SH2D5: variants seen among roughly 807,000 people sequenced by gnomAD.
The protein encoded by SH2D5 is SH2 domain-containing protein 5.
In SH2D5, 45 loss-of-function variants were observed where a neutral mutation model predicts 48.2. The observed-to-expected ratio is 0.93, with a 90% confidence interval of 0.73 to 1.20. SH2D5 has a LOEUF of 1.20. SH2D5 is among the 50% of genes most tolerant of loss of function. SH2D5 has a pLI of 0.00. For missense variants in SH2D5, 538 were observed against 584.1 expected (o/e 0.92, Z 0.81); for synonymous variants, 230 against 249.8 (o/e 0.92, Z 0.75).
chr1:20,731,933 C>T (rs556887713), intron 1 of SH2D5, among the ~76,000 whole-genome samples: 44 of 152,068 alleles, frequency 2.9e-4, no homozygotes, highest in African/African-American at 1.0e-3. Flanking sequence ...CCCCTCACTC[C>T]CGAGACCCTC....
At chr1:20,731,983 C>T (rs2054919323) in intron 1 of SH2D5, among the ~76,000 whole-genome samples, 198 bp downstream of exon 1, 2 of 151,770 alleles carry the variant, frequency 1.3e-5, no homozygotes, top group African/African-American at 4.8e-5. Context: ...CGCCCCTGCC[C>T]GGCTCCCGGC....
chr1:20,728,098 A>T lies in SH2D5; in HGVS notation c.-42-12T>A. The T allele has an allele frequency of 7.7e-7, 1 of 1,291,490 alleles. No individual in the cohort carries two copies. The highest frequency in any genetic ancestry group is 1.1e-6 in the Non-Finnish European group (1 of 929,156). 80.0% of individuals were successfully genotyped at this position (1,291,490 alleles called of 1,614,324 possible). A position where few individuals can be genotyped will look rare whatever the true frequency, so the allele number is the denominator to read the frequency against. ...CACGGGAGGGGAGGCTGCAAAGGGC[A>T]GGGGGGGAAGGGCTGCTTTCGAGGC... On this transcript the variant is annotated splice_polypyrimidine_tract_variant and intron_variant, in intron 1 of 9. Transcript: ENST00000444387. The surrounding 1 kb of genome is among the most constrained non-coding windows in gnomAD (Gnocchi z 4.3).
In SH2D5 at chr1:20,732,419, G is replaced by C. The variant is rs1206619431; in HGVS notation, c.-281C>G. ...TCTGGCTGGCTCCTCCGCGTCATCCGAGCCGCGGCTACCGCACCGCCTCCT... is the reference window on the plus strand; with the variant it reads ...TCTGGCTGGCTCCTCCGCGTCATCCCAGCCGCGGCTACCGCACCGCCTCCT... On this transcript the variant is annotated 5_prime_UTR_variant, in exon 1 of 10. Transcript: ENST00000444387. The surrounding 1 kb of genome is among the most constrained non-coding windows in gnomAD (Gnocchi z 5.1). 1 of 152,554 alleles carries C rather than the reference G, an allele frequency of 6.6e-6. No individual in the cohort carries two copies. Among genetic ancestry groups the C allele is most frequent in the African/African-American group, 2.4e-5 (1 of 41,462 alleles). The allele number at this position is 152,554 out of a possible 1,614,324, so 9.5% of individuals were successfully genotyped here. A position where few individuals can be genotyped will look rare whatever the true frequency, so the allele number is the denominator to read the frequency against.
At chr1:20,723,537 G>A (rs528795226) in intron 8 of SH2D5, 89 bp downstream of exon 8, 16 of 1,008,382 alleles carry the variant, frequency 1.6e-5, no homozygotes, top group South Asian at 8.8e-5. Flanking sequence ...GCCCGTGCAC[G>A]GGAGTGTGTG....
rs561353644 is a variant in SH2D5 at position 20,723,850 on chromosome 1, A to C, written c.800-116T>G. 18 of 1,010,608 alleles carry C rather than the reference A, an allele frequency of 1.8e-5. No homozygotes were observed. The African/African-American group carries it at 1.9e-4, about 11-fold the overall frequency. 62.6% of individuals were successfully genotyped at this position (1,010,608 alleles called of 1,614,324 possible). A position where few individuals can be genotyped will look rare whatever the true frequency, so the allele number is the denominator to read the frequency against. On this transcript the variant is annotated intron_variant, in intron 7 of 9. Transcript: ENST00000444387. The stretch of plus-strand genomic sequence containing the variant: ...CCCAAGCCTCTCTACCCTGCTCAGC[A>C]GACATATCTGCACACGGGCCTTCCG...
chr1:20,731,400 C>T (rs1249728559), intron 1 of SH2D5: 1 of 152,448 alleles, frequency 6.6e-6, no homozygotes, highest in Non-Finnish European at 1.5e-5. Context: ...CACTTAAGCT[C>T]TCAGCCTCCA....
chr1:20,720,796 G>A lies in SH2D5; in HGVS notation c.*996C>T, dbSNP rs1018226045. 4.6e-5 allele frequency: 7 copies of A among 152,242 alleles called. No homozygotes were observed. Among genetic ancestry groups the A allele is most frequent in the African/African-American group, 1.7e-4 (7 of 41,468 alleles). 9.4% of individuals were successfully genotyped at this position (152,242 alleles called of 1,614,324 possible). A position where few individuals can be genotyped will look rare whatever the true frequency, so the allele number is the denominator to read the frequency against. ...GACTGACCCCATTCCCAGTGGGGCT[G>A]GCCTGGTGAGGCAAGGTGGCCCCTG... On this transcript the variant is annotated 3_prime_UTR_variant, in exon 10 of 10. Coordinates refer to ENST00000444387, the MANE Select transcript of SH2D5 (RefSeq NM_001103161.2).
Position 20,724,382 on chromosome 1 carries a change from G to T in SH2D5, c.630+14C>A. ...CTTGTCCACTGCCCACTCCTTGGCT[G>T]GGGTGCTGCGTACCCCACTGCCCAC... On this transcript the variant is annotated intron_variant, in intron 6 of 9. Transcript: ENST00000444387. 1 of 1,611,064 alleles carries T rather than the reference G, an allele frequency of 6.2e-7. No homozygotes were observed. Among genetic ancestry groups the T allele is most frequent in the South Asian group, 1.1e-5 (1 of 90,946 alleles).
chr1:20,727,432 T>C, intron 3 of SH2D5, 91 bp downstream of exon 3: 1 of 1,252,020 alleles, frequency 8.0e-7, no homozygotes, highest in Non-Finnish European at 1.1e-6. Flanking sequence ...TGCCCCTCTC[T>C]AACTGTGGGG....
In SH2D5 at chr1:20,720,264, GCAGTTCCTTCTATCTTTTGTGA is replaced by G. The variant is rs2054661130; in HGVS notation, c.*1506_*1527del. On this transcript the variant is annotated 3_prime_UTR_variant, in exon 10 of 10. Coordinates refer to ENST00000444387, the MANE Select transcript of SH2D5 (RefSeq NM_001103161.2). The stretch of plus-strand genomic sequence containing the variant: ...TTCCAGTGAAAAGAAGTCCCAAAGG[GCAGTTCCTTCTATCTTTTGTGA>G]CAGGATAGCTCACTTAACTTGCAAG... The G allele has an allele frequency of 6.6e-6, 1 of 152,278 alleles. No individual in the cohort carries two copies. Among genetic ancestry groups the G allele is most frequent in the African/African-American group, 2.4e-5 (1 of 41,464 alleles). The allele number at this position is 152,278 out of a possible 1,614,324, so 9.4% of individuals were successfully genotyped here.
chr1:20,723,543 G>A (rs2054730041), intron 8 of SH2D5, 83 bp downstream of exon 8: 1 of 1,078,440 alleles, frequency 9.3e-7, no homozygotes, highest in South Asian at 1.4e-5. Flanking sequence ...GCACGGGAGT[G>A]TGTGCCTCAG....
intron 7 of SH2D5, 118 bp downstream of exon 7, chr1:20,723,965 T>C (rs1262110207): frequency 1.5e-6 from 2 of 1,322,020 alleles, no homozygotes; most frequent in South Asian, 1.4e-5. Flanking sequence ...CAGGCATCAC[T>C]TGGAGGTGCG....
chr1:20,728,097 C>A lies in SH2D5; in HGVS notation c.-42-11G>T. ...CCACGGGAGGGGAGGCTGCAAAGGG[C>A]AGGGGGGGAAGGGCTGCTTTCGAGG... On this transcript the variant is annotated splice_polypyrimidine_tract_variant and intron_variant, in intron 1 of 9. Transcript: ENST00000444387. The surrounding 1 kb of genome is among the most constrained non-coding windows in gnomAD (Gnocchi z 4.3). The A allele has an allele frequency of 7.5e-7, 1 of 1,340,166 alleles. No homozygotes were observed. Among genetic ancestry groups the A allele is most frequent in the Non-Finnish European group, 1.0e-6 (1 of 971,018 alleles). The allele number at this position is 1,340,166 out of a possible 1,614,324, so 83.0% of individuals were successfully genotyped here.
chr1:20,724,476 C>T lies in SH2D5; in HGVS notation c.550G>A (p.Gly184Ser), dbSNP rs61745394. The stretch of plus-strand genomic sequence containing the variant: ...ACGTTCTGAGAGAGCTGATCACGGC[C>T]GAAGGGCTCCCGCACCAGGCCCCCA... ...SSGGLVREPF[G>S]RDQLSQNVHA... The change falls in exon 6 of 10, where the codon GGC (glycine) becomes AGC (serine). Residue 184 changes from glycine (G) to serine (S), a missense_variant. Transcript: ENST00000444387. 6.0e-4 allele frequency: 963 copies of T among 1,612,846 alleles called. 5 individuals are homozygous for T. In the African/African-American group the frequency reaches 0.011, roughly 18 times the overall value.
Position 20,729,811 on chromosome 1 carries a change from C to G in SH2D5, c.-42-1725G>C, listed in dbSNP as rs986682733. Among the ~76,000 whole-genome samples, 3 of 152,294 alleles carry G rather than the reference C, an allele frequency of 2.0e-5. No individual in the cohort carries two copies. The highest frequency in any genetic ancestry group is 3.9e-4 in the East Asian group (2 of 5,178). ...CAGGCCAGGGTGGAGGTGCCTGCAC[C>G]GATCCACTTTCAGTGAGCAGCCAGG... On this transcript the variant is annotated intron_variant, in intron 1 of 9. Transcript: ENST00000444387. The surrounding 1 kb of genome is among the most constrained non-coding windows in gnomAD (Gnocchi z 4.2).
At chr1:20,723,110 G>C (rs2054721855) in intron 8 of SH2D5, among the ~76,000 whole-genome samples, 195 bp from the exon 9 acceptor site, 2 of 152,210 alleles carry the variant, frequency 1.3e-5, no homozygotes, top group Admixed American at 6.5e-5. Context: ...GAGCACAGGA[G>C]TTTGAGGCTG....
chr1:20,727,156 A>C, intron 3 of SH2D5, 81 bp from the exon 4 acceptor site: 5 of 1,219,810 alleles, frequency 4.1e-6, no homozygotes, highest in African/African-American at 1.5e-5. Flanking sequence ...CCATCCACCA[A>C]AGGCTGGTCA....
intron 5 of SH2D5, 118 bp downstream of exon 5, chr1:20,725,802 G>T (rs940996445): frequency 1.6e-6 from 2 of 1,257,164 alleles, no homozygotes; most frequent in Non-Finnish European, 2.2e-6. Context: ...GTGGTGAGGG[G>T]TGCATGCCTG....
In SH2D5 at chr1:20,732,598, C is replaced by G. The variant is rs750681786; in HGVS notation, c.-460G>C. ...CCAGTGTGAAGGATCGAGCCTGGCT[C>G]GGAGGAGGCGCTCAGGGTGGTTCGG... is the stretch of plus-strand genomic sequence containing the variant. On this transcript the variant is annotated 5_prime_UTR_variant, in exon 1 of 10. Coordinates refer to ENST00000444387, the MANE Select transcript of SH2D5 (RefSeq NM_001103161.2). This position sits in a 1 kb window ranked among gnomAD's most constrained non-coding sequence, Gnocchi z 5.1. 2.0e-5 allele frequency: 3 copies of G among 152,344 alleles called. No homozygotes were observed. Among genetic ancestry groups the G allele is most frequent in the Non-Finnish European group, 4.4e-5 (3 of 68,066 alleles). 9.4% of individuals were successfully genotyped at this position (152,344 alleles called of 1,614,324 possible).
Sources: allele counts gnomAD v4.1 joint callset (sites outside exome capture counted in the v4.1 genomes callset), GRCh38; gene constraint gnomAD v4.1.1; non-coding constraint Gnocchi (gnomAD v3.1); transcripts MANE v1.5; gene names NCBI Gene and HGNC (gene_info 2026-07-23, HGNC 2026-07-21).